Variants in EIF4E3 observed in about 807,000 individuals in gnomAD.
EIF4E3 encodes eukaryotic translation initiation factor 4E type 3.
In EIF4E3, 26 loss-of-function variants were observed where a neutral mutation model predicts 31.7. That is an observed-to-expected ratio of 0.82 (90% CI 0.60 to 1.14). The LOEUF (loss-of-function observed/expected upper bound fraction) is 1.14. Among genes scored for constraint, EIF4E3 ranks in the 50% most tolerant of loss-of-function variants. EIF4E3 has a pLI of 0.00. For missense variants in EIF4E3, 304 were observed against 270.9 expected, an observed-to-expected ratio of 1.12 and a Z score of -0.86; for synonymous variants, 128 against 107.7, an observed-to-expected ratio of 1.19 and a Z score of -1.17.
intron 1 of EIF4E3, among the ~76,000 whole-genome samples, chr3:71,753,026 G>A (rs1279124941): frequency 6.6e-6 from 1 of 152,172 alleles, no homozygotes; most frequent in African/African-American, 2.4e-5. Context: ...GTCCTTCACC[G>A]GGATCACGGA....
chr3:71,744,084 T>C (rs1294562134), intron 1 of EIF4E3, among the ~76,000 whole-genome samples: 1 of 151,876 alleles, frequency 6.6e-6, no homozygotes, highest in Non-Finnish European at 1.5e-5. Flanking sequence ...ATAAAATAAT[T>C]CAAATTGATA....
chr3:71,747,482 T>C (rs2049885758), intron 1 of EIF4E3, among the ~76,000 whole-genome samples: 1 of 152,254 alleles, frequency 6.6e-6, no homozygotes, highest in Non-Finnish European at 1.5e-5. Flanking sequence ...GTTGTCTTTT[T>C]TGAGTTATGA....
chr3:71,661,008 G>A, the EIF4E3 span, among the ~76,000 whole-genome samples: 1 of 152,060 alleles, frequency 6.6e-6, no homozygotes, highest in Non-Finnish European at 1.5e-5. Flanking sequence ...GTGGGGCACT[G>A]GCAGGGATGC....
At chr3:71,722,787 T>C in intron 1 of EIF4E3, among the ~76,000 whole-genome samples, 1 of 152,096 alleles carries the variant, frequency 6.6e-6, no homozygotes, top group Non-Finnish European at 1.5e-5. Context: ...GGTGTGGGTA[T>C]GGGGAGGGGT....
intron 6 of EIF4E3, among the ~76,000 whole-genome samples, chr3:71,688,304 A>G (rs756689350): frequency 3.9e-5 from 6 of 152,198 alleles, no homozygotes; most frequent in Non-Finnish European, 7.4e-5. Context: ...AAACTAGCCT[A>G]ACCACTTTGT....
At chr3:71,725,425 G>A (rs1289108020), upstream of EIF4E3, 14 of 968,156 alleles carry the variant, frequency 1.4e-5, no homozygotes. The surrounding 1 kb of genome is among the most constrained non-coding windows in gnomAD (Gnocchi z 6.1). Context: ...GAGCGCGGCT[G>A]AGTCACCCCC....
chr3:71,731,341 C>G (rs1411911172), intron 1 of EIF4E3, among the ~76,000 whole-genome samples: 1 of 152,206 alleles, frequency 6.6e-6, no homozygotes, highest in Non-Finnish European at 1.5e-5. Context: ...CCACAGGGCA[C>G]CTGCATATGC....
At chr3:71,750,132 T>G (rs1032700093) in intron 1 of EIF4E3, among the ~76,000 whole-genome samples, 1 of 152,238 alleles carries the variant, frequency 6.6e-6, no homozygotes, top group African/African-American at 2.4e-5. Flanking sequence ...GAATTAATAA[T>G]GTCTCTTCTT....
the EIF4E3 span, among the ~76,000 whole-genome samples, chr3:71,665,923 C>T: frequency 6.6e-6 from 1 of 152,154 alleles, no homozygotes; most frequent in Non-Finnish European, 1.5e-5. Flanking sequence ...CACAATGTAC[C>T]AGAATCTCTG....
chr3:71,714,214 A>G (rs912896216), intron 1 of EIF4E3, among the ~76,000 whole-genome samples: 3 of 151,138 alleles, frequency 2.0e-5, no homozygotes, highest in Non-Finnish European at 2.9e-5. Flanking sequence ...CTCCATCTCA[A>G]AAAAAAGAAA....
At chr3:71,660,405 C>T in the EIF4E3 span, among the ~76,000 whole-genome samples, 5 of 152,194 alleles carry the variant, frequency 3.3e-5, no homozygotes, top group South Asian at 1.0e-3. Context: ...AGAGGCTAAG[C>T]ATGGCCAGGT....
chr3:71,752,903 G>T (rs1330303898), intron 1 of EIF4E3, among the ~76,000 whole-genome samples: 1 of 152,112 alleles, frequency 6.6e-6, no homozygotes, highest in Non-Finnish European at 1.5e-5. Flanking sequence ...TCATAACAGG[G>T]GCTGCCCTTT....
chr3:71,752,865 T>C (rs2108170555), intron 1 of EIF4E3, among the ~76,000 whole-genome samples: 1 of 152,332 alleles, frequency 6.6e-6, no homozygotes, highest in Middle Eastern at 3.4e-3. Flanking sequence ...TGCAAGGTCC[T>C]GCGAGACAAA....
chr3:71,729,870 C>A (rs772770278), upstream of EIF4E3, among the ~76,000 whole-genome samples: 1 of 145,866 alleles, frequency 6.9e-6, no homozygotes, highest in African/African-American at 2.6e-5. Context: ...GGTGGCGGAA[C>A]TCATTGGCAA....
At chr3:71,741,453 G>A (rs548153881) in intron 1 of EIF4E3, among the ~76,000 whole-genome samples, 2 of 152,216 alleles carry the variant, frequency 1.3e-5, no homozygotes, top group South Asian at 4.1e-4. Context: ...AAATGAGTCA[G>A]TTCATCAAGA....
chr3:71,723,096 T>C (rs964088867), intron 1 of EIF4E3, among the ~76,000 whole-genome samples: 1 of 152,198 alleles, frequency 6.6e-6, no homozygotes, highest in Admixed American at 6.5e-5. Context: ...CAAAAACCGA[T>C]GTCATCTTGC....
Position 71,675,681 on chromosome 3 carries a change from G to A in EIF4E3, c.*9001C>T, listed in dbSNP as rs1200099656. The A allele has an allele frequency of 6.6e-6, 1 of 152,172 alleles. No homozygotes were observed. Among genetic ancestry groups the A allele is most frequent in the Non-Finnish European group, 1.5e-5 (1 of 68,032 alleles). 9.4% of individuals were successfully genotyped at this position (152,172 alleles called of 1,614,324 possible). A position where few individuals can be genotyped will look rare whatever the true frequency, so the allele number is the denominator to read the frequency against. ...TGAACGAATTCTTTATACTTTCTGGGTCATTTCTTCATCTGTAAAATGAAA... is the reference window on the plus strand; with the variant it reads ...TGAACGAATTCTTTATACTTTCTGGATCATTTCTTCATCTGTAAAATGAAA... On this transcript the variant is annotated 3_prime_UTR_variant, in exon 7 of 7. Coordinates refer to ENST00000425534, the MANE Select transcript of EIF4E3 (RefSeq NM_001134651.2).
chr3:71,747,667 G>C (rs1229933619), intron 1 of EIF4E3, among the ~76,000 whole-genome samples: 3 of 151,864 alleles, frequency 2.0e-5, no homozygotes, highest in African/African-American at 4.8e-5. Context: ...CTATCCTTTT[G>C]GGAACATATC....
At chr3:71,663,477 G>C in the EIF4E3 span, among the ~76,000 whole-genome samples, 1 of 152,216 alleles carries the variant, frequency 6.6e-6, no homozygotes, top group Non-Finnish European at 1.5e-5. Flanking sequence ...ATTGGTAACA[G>C]TCCATGCAGT....
Sources: allele counts gnomAD v4.1 joint callset (sites outside exome capture counted in the v4.1 genomes callset), GRCh38; gene constraint gnomAD v4.1.1; non-coding constraint Gnocchi (gnomAD v3.1); transcripts MANE v1.5; gene names NCBI Gene and HGNC (gene_info 2026-07-23, HGNC 2026-07-21).